GRID2: variants seen among roughly 807,000 people sequenced by gnomAD.
GRID2 encodes glutamate ionotropic receptor delta type subunit 2.
A neutral mutation model predicts 114.8 loss-of-function variants in GRID2; 33 were observed. The observed-to-expected ratio is 0.29, with a 90% CI of 0.22 to 0.38. The LOEUF is 0.38. Ranked by LOEUF, GRID2 falls within the 10% of genes least tolerant of loss-of-function variation. The pLI is 1.00. For missense variants in GRID2, 1,184 were observed against 1,257.7 expected (o/e 0.94, Z 0.89); for synonymous variants, 505 against 449.9 (o/e 1.12, Z -1.55).
chr4:93,135,704 A>G (rs1703860540), intron 4 of GRID2, among the ~76,000 whole-genome samples: 1 of 152,178 alleles, frequency 6.6e-6, no homozygotes, highest in South Asian at 2.1e-4. Context: ...AAATAAACTA[A>G]GCCCTAGTCC....
intron 1 of GRID2, among the ~76,000 whole-genome samples, chr4:92,329,299 A>G (rs1726756583): frequency 6.6e-6 from 1 of 151,974 alleles, no homozygotes; most frequent in Admixed American, 6.6e-5. Flanking sequence ...AGCCCTCTCT[A>G]TTTAAACTTT....
At chr4:93,038,315 TA>T (rs1166719400) in intron 2 of GRID2, among the ~76,000 whole-genome samples, 2 of 151,784 alleles carry the variant, frequency 1.3e-5, no homozygotes, top group African/African-American at 2.4e-5. Context: ...TTTTGTATTC[TA>T]AAAAAAACAA....
intron 2 of GRID2, among the ~76,000 whole-genome samples, chr4:92,654,701 G>A (rs986885439): frequency 6.6e-6 from 1 of 151,736 alleles, no homozygotes; most frequent in East Asian, 1.9e-4. Flanking sequence ...TTGGCTACCT[G>A]TATGTCTTCT....
chr4:92,321,383 C>T (rs906803197), intron 1 of GRID2, among the ~76,000 whole-genome samples: 2 of 152,204 alleles, frequency 1.3e-5, no homozygotes, highest in Non-Finnish European at 2.9e-5. Flanking sequence ...CGCAAAAACA[C>T]TGTTCAAACT....
At chr4:92,456,203 G>T (rs1009862852) in intron 1 of GRID2, among the ~76,000 whole-genome samples, 3 of 151,762 alleles carry the variant, frequency 2.0e-5, no homozygotes, top group Non-Finnish European at 2.9e-5. Flanking sequence ...ATGAGTAGGG[G>T]AAAATTATAA....
chr4:92,350,830 T>C (rs1417499107), intron 1 of GRID2, among the ~76,000 whole-genome samples: 5 of 151,790 alleles, frequency 3.3e-5, no homozygotes, highest in Non-Finnish European at 5.9e-5. Flanking sequence ...CACTCCAATT[T>C]TCCCCAAATG....
intron 4 of GRID2, among the ~76,000 whole-genome samples, chr4:93,160,019 A>G (rs930634320): frequency 6.6e-6 from 1 of 151,818 alleles, no homozygotes; most frequent in Admixed American, 6.6e-5. Context: ...TTAGGTATTC[A>G]TTATGAAATG....
intron 4 of GRID2, among the ~76,000 whole-genome samples, chr4:93,178,630 C>T (rs1739592650): frequency 2.6e-5 from 4 of 151,720 alleles, no homozygotes; most frequent in African/African-American, 7.3e-5. Context: ...TCAAGTGATC[C>T]TCCTGCCTCG....
chr4:92,923,103 A>G (rs1274375923), intron 2 of GRID2, among the ~76,000 whole-genome samples: 6 of 152,242 alleles, frequency 3.9e-5, no homozygotes, highest in Admixed American at 3.9e-4. Context: ...ACCATGCATC[A>G]TTTAAACATA....
intron 7 of GRID2, among the ~76,000 whole-genome samples, chr4:93,227,942 A>T (rs1745687995): frequency 6.6e-6 from 1 of 152,170 alleles, no homozygotes. Context: ...GAAGATTCAG[A>T]CTTTCTCTAC....
chr4:93,133,485 A>G (rs1734980619), intron 4 of GRID2, among the ~76,000 whole-genome samples: 1 of 152,186 alleles, frequency 6.6e-6, no homozygotes, highest in African/African-American at 2.4e-5. Flanking sequence ...TGAATCCTGT[A>G]ATTTGGTACA....
At chr4:92,328,517 A>T (rs1440103497) in intron 1 of GRID2, among the ~76,000 whole-genome samples, 1 of 152,090 alleles carries the variant, frequency 6.6e-6, no homozygotes, top group Non-Finnish European at 1.5e-5. Flanking sequence ...TTCTCAAGTA[A>T]TCATGCCAAG....
chr4:93,743,827 A>G (rs114302060), intron 14 of GRID2, among the ~76,000 whole-genome samples: 3,612 of 152,294 alleles, frequency 0.024, 73 homozygotes, highest in Non-Finnish European at 0.035. Flanking sequence ...AACTATAGCA[A>G]TTGCCCTCTA....
chr4:92,573,076 T>C (rs1579605635), intron 1 of GRID2, among the ~76,000 whole-genome samples: 1 of 152,252 alleles, frequency 6.6e-6, no homozygotes, highest in East Asian at 1.9e-4. Context: ...CAGGAATTTG[T>C]TCATTTCTTC....
intron 1 of GRID2, among the ~76,000 whole-genome samples, chr4:93,795,576 C>G (rs1734780106): frequency 1.3e-5 from 2 of 151,728 alleles, no homozygotes; most frequent in African/African-American, 4.8e-5. Flanking sequence ...TCAAATTTAC[C>G]TTTATTGCTT....
chr4:92,963,062 A>G (rs970514997), intron 2 of GRID2, among the ~76,000 whole-genome samples: 1 of 152,030 alleles, frequency 6.6e-6, no homozygotes, highest in Non-Finnish European at 1.5e-5. Flanking sequence ...TAAAAAAACA[A>G]CATGAATACC....
chr4:92,384,630 TA>T (rs1474432030), intron 1 of GRID2, among the ~76,000 whole-genome samples: 1 of 90,066 alleles, frequency 1.1e-5, no homozygotes, highest in African/African-American at 4.3e-5. Flanking sequence ...ATATTATATA[TA>T]ATATATATTA....
chr4:92,475,936 T>G (rs1722287775), intron 1 of GRID2, among the ~76,000 whole-genome samples: 1 of 151,982 alleles, frequency 6.6e-6, no homozygotes, highest in Admixed American at 6.6e-5. Context: ...ATTGTAGATA[T>G]TGCAAATGGA....
chr4:93,699,546 A>C lies in GRID2; in HGVS notation c.2361-69664A>C, dbSNP rs1006959802. 3.4e-4 allele frequency among the ~76,000 whole-genome samples: 51 copies of C among 152,094 alleles called. 1 individual carries two copies. On this transcript the variant is annotated intron_variant, in intron 14 of 15. Coordinates refer to ENST00000282020, the MANE Select transcript of GRID2 (RefSeq NM_001510.4). ...TTTGCAAATAAAGAATCTGAGGTTC[A>C]AAATAGCCAAGTAGTTTGTCCAAAG...
Sources: allele counts gnomAD v4.1 joint callset (sites outside exome capture counted in the v4.1 genomes callset), GRCh38; gene constraint gnomAD v4.1.1; transcripts MANE v1.5; gene names NCBI Gene and HGNC (gene_info 2026-07-23, HGNC 2026-07-21).